Variants in PDCD2 observed in about 807,000 individuals in gnomAD.
PDCD2 encodes the protein programmed cell death 2, also known as uS5 assembly chaperone PDCD2.
A neutral mutation model predicts 38.1 loss-of-function variants in PDCD2; 38 were observed. The ratio of observed to expected loss-of-function variants is 1.00; its 90% CI spans 0.77 to 1.31. PDCD2 has a LOEUF of 1.31. Ranked by LOEUF, PDCD2 falls within the 50% of genes most tolerant of loss-of-function variation. The probability of loss-of-function intolerance (pLI) is 0.00; values close to 1 mark genes in which losing one functional copy is unlikely to be tolerated. For missense variants in PDCD2, 473 were observed against 435.7 expected (o/e 1.09, Z -0.76); for synonymous variants, 205 against 168.9 (o/e 1.21, Z -1.66).
intron 5 of PDCD2, 73 bp downstream of exon 5, chr6:170,578,784 C>T (rs1394549347): frequency 5.3e-6 from 5 of 948,690 alleles, no homozygotes; most frequent in Non-Finnish European, 8.7e-6. Context: ...CACAAATTAC[C>T]TTGGTGAAGT....
chr6:170,583,408 A>C, intron 2 of PDCD2, 97 bp downstream of exon 2: 1 of 1,399,952 alleles, frequency 7.1e-7, no homozygotes. Flanking sequence ...TTAAAGTACT[A>C]TACCTTTCCT....
At chr6:170,581,318 C>G (rs943894905) in intron 3 of PDCD2, 1 of 151,992 alleles carries the variant, frequency 6.6e-6, no homozygotes, top group African/African-American at 2.4e-5. Flanking sequence ...TTTTATTTAC[C>G]AATTTGAAAA....
At position 170,584,396 on chromosome 6, in the gene PDCD2, C is replaced by A; in HGVS notation, c.186G>T (p.Leu62=). Residue 62 remains leucine, a synonymous_variant, in exon 1 of 6, where the codon CTG becomes CTT. Transcript: ENST00000541970. ...ELCGRPLSFL[L]QVYAPLPGRP... ...GGCCAGGCAGCGGCGCATACACCTG[C>A]AGCAGGAAGGAGAGCGGGCGGCCGC... is the stretch of plus-strand genomic sequence containing the variant. 1.4e-6 allele frequency: 2 copies of A among 1,451,318 alleles called. No homozygotes were observed. Among genetic ancestry groups the A allele is most frequent in the Non-Finnish European group, 9.0e-7 (1 of 1,106,698 alleles). 89.9% of individuals were successfully genotyped at this position (1,451,318 alleles called of 1,614,324 possible).
At chr6:170,584,226 T>C in intron 1 of PDCD2, 73 bp downstream of exon 1, 1 of 1,298,214 alleles carries the variant, frequency 7.7e-7, no homozygotes, top group African/African-American at 1.5e-5. Context: ...GCCGTCCCCC[T>C]GGTCGCTCCC....
intron 5 of PDCD2, 97 bp downstream of exon 5, chr6:170,578,760 T>C (rs1442592143): frequency 3.7e-6 from 3 of 804,714 alleles, no homozygotes; most frequent in East Asian, 4.9e-5. Context: ...CATACTGCCA[T>C]GTTGACCCAT....
In PDCD2 at chr6:170,576,219, ATAAC is replaced by A. The variant is rs1472995957; in HGVS notation, c.*1336_*1339del. On this transcript the variant is annotated 3_prime_UTR_variant, in exon 6 of 6. Transcript: ENST00000541970. ...TGCAGTTTCCCATATGGTGCTATGT[ATAAC>A]TATCTTATACAATTAATACAAATTG... 3.3e-5 allele frequency: 5 copies of A among 152,384 alleles called. No individual in the cohort carries two copies. Among genetic ancestry groups the A allele is most frequent in the Admixed American group, 6.5e-5 (1 of 15,308 alleles). The allele number at this position is 152,384 out of a possible 1,614,324, so 9.4% of individuals were successfully genotyped here. A position where few individuals can be genotyped will look rare whatever the true frequency, so the allele number is the denominator to read the frequency against.
chr6:170,578,531 T>C, intron 5 of PDCD2: 1 of 685,408 alleles, frequency 1.5e-6, no homozygotes, highest in South Asian at 1.6e-5. Flanking sequence ...AAGGAAGGTA[T>C]ACATTATTTA....
Position 170,583,103 on chromosome 6 carries a change from A to G in PDCD2, c.612T>C (p.Pro204=), listed in dbSNP as rs1384724813. 9 of 1,612,738 alleles carry G rather than the reference A, an allele frequency of 5.6e-6. No homozygotes were observed. Among genetic ancestry groups the G allele is most frequent in the African/African-American group, 1.3e-5 (1 of 74,886 alleles). ...AGTAATCTTCCTTTTCCACAACCTC[A>G]GGCATAATCTCATCTTCTGTTTCTA... ...IVIETEDEIM[P]EVVEKEDYSE... The change falls in exon 3 of 6, where the codon CCT becomes CCC. Residue 204 remains proline (P), a synonymous_variant. Coordinates refer to ENST00000541970, the MANE Select transcript of PDCD2 (RefSeq NM_002598.4).
At position 170,577,703 on chromosome 6, in the gene PDCD2, G is replaced by C. The variant is rs1779482543; in HGVS notation, c.891C>G (p.Leu297=). 5 of 1,612,658 alleles carry C rather than the reference G, an allele frequency of 3.1e-6. No homozygotes were observed. Among genetic ancestry groups the C allele is most frequent in the Admixed American group, 1.7e-5 (1 of 59,974 alleles). Residue 297 remains leucine (L), a synonymous_variant, in exon 6 of 6, where the codon CTC becomes CTG. Transcript: ENST00000541970. ...GTCTGTCAGCCTTCAGGTAGTTTAG[G>C]AGCTGAGGCATGACCTGAGAAGAGG... The part of the protein sequence containing the change: ...RILEFQVMPQ[L]LNYLKADRLG...
intron 4 of PDCD2, chr6:170,579,232 G>A: frequency 2.4e-6 from 1 of 420,604 alleles, no homozygotes; most frequent in Non-Finnish European, 4.2e-6. Context: ...ACCTAATGTT[G>A]GCAACTTAAT....
chr6:170,583,958 A>G (rs909094190), intron 1 of PDCD2: 21 of 572,564 alleles, frequency 3.7e-5, no homozygotes, highest in African/African-American at 1.9e-4. Flanking sequence ...AATCAAATTA[A>G]TAAGACTGAT....
At chr6:170,583,342 TCAGACTTCA>T (rs1007689656) in intron 2 of PDCD2, among the ~76,000 whole-genome samples, 154 bp from the exon 3 acceptor site, 1 of 152,078 alleles carries the variant, frequency 6.6e-6, no homozygotes, top group Non-Finnish European at 1.5e-5. Flanking sequence ...ATTCAGTGAT[TCAGACTTCA>T]CAGCCTTTTT....
chr6:170,580,869 A>G (rs1402604626), intron 3 of PDCD2, among the ~76,000 whole-genome samples: 1 of 152,180 alleles, frequency 6.6e-6, no homozygotes, highest in Non-Finnish European at 1.5e-5. Flanking sequence ...GGGTCAGAGA[A>G]GCTAAAATAA....
At chr6:170,584,058 G>A (rs2115019867) in intron 1 of PDCD2, 1 of 501,788 alleles carries the variant, frequency 2.0e-6, no homozygotes, top group East Asian at 3.4e-5. Flanking sequence ...ACCATACCTG[G>A]TACCCACTGA....
Position 170,577,144 on chromosome 6 carries a change from A to G in PDCD2, c.*415T>C, listed in dbSNP as rs1385487028. The G allele has an allele frequency of 6.4e-6, 1 of 155,774 alleles. No homozygotes were observed. Among genetic ancestry groups the G allele is most frequent in the African/African-American group, 2.4e-5 (1 of 41,508 alleles). 9.6% of individuals were successfully genotyped at this position (155,774 alleles called of 1,614,324 possible). On this transcript the variant is annotated 3_prime_UTR_variant, in exon 6 of 6. Transcript: ENST00000541970. ...TTTGACTTCATTAGGCATATAACCCATTTTTATTATAAAAAGAAATGCACA... is the reference window on the plus strand; with the variant it reads ...TTTGACTTCATTAGGCATATAACCCGTTTTTATTATAAAAAGAAATGCACA...
At chr6:170,579,960 G>T in intron 4 of PDCD2, 42 bp downstream of exon 4, 1 of 975,252 alleles carries the variant, frequency 1.0e-6, no homozygotes, top group Non-Finnish European at 1.7e-6. Flanking sequence ...ATAAAACATG[G>T]CCTGAAGAGA....
chr6:170,578,425 T>C (rs1779503628), intron 5 of PDCD2: 2 of 564,674 alleles, frequency 3.5e-6, no homozygotes. Context: ...TTAATGCTTA[T>C]ATCCATTTTT....
intron 2 of PDCD2, 89 bp from the exon 3 acceptor site, chr6:170,583,277 T>C (rs1035040757): frequency 7.9e-6 from 8 of 1,015,510 alleles, no homozygotes; most frequent in African/African-American, 1.6e-5. Context: ...ATATTCCCTA[T>C]AGTTCTGGCA....
At position 170,583,753 on chromosome 6, in the gene PDCD2, AAAG is replaced by A. The variant is rs1779702786; in HGVS notation, c.284-9_284-7del. On this transcript the variant is annotated splice_polypyrimidine_tract_variant and splice_region_variant and intron_variant, in intron 1 of 5. Coordinates refer to ENST00000541970, the MANE Select transcript of PDCD2 (RefSeq NM_002598.4). Reference sequence around the variant, plus strand: ...GGGTAGTTGATTCCTAAAAACTAAAAAAGAATACAGAGAAAAGTTTTATCTTCA... The same window carrying A: ...GGGTAGTTGATTCCTAAAAACTAAAAAATACAGAGAAAAGTTTTATCTTCA... 2 of 1,600,338 alleles carry A rather than the reference AAAG, an allele frequency of 1.2e-6. No individual in the cohort carries two copies. Among genetic ancestry groups the A allele is most frequent in the Non-Finnish European group, 1.7e-6 (2 of 1,169,766 alleles).
Sources: allele counts gnomAD v4.1 joint callset (sites outside exome capture counted in the v4.1 genomes callset), GRCh38; gene constraint gnomAD v4.1.1; transcripts MANE v1.5; gene names NCBI Gene and HGNC (gene_info 2026-07-23, HGNC 2026-07-21).